The following PPP2R5E variants were observed in gnomAD, a reference collection of about 807,000 sequenced individuals.
PPP2R5E encodes serine/threonine-protein phosphatase 2A 56 kDa regulatory subunit epsilon isoform.
A neutral mutation model predicts 65.3 loss-of-function variants in PPP2R5E; 4 were observed. The observed-to-expected ratio is 0.06, with a 90% CI of 0.03 to 0.14. The LOEUF is 0.14. PPP2R5E is among the 10% of genes least tolerant of loss of function. PPP2R5E has a pLI of 1.00. For missense variants in PPP2R5E, 274 were observed against 556.1 expected (o/e 0.49, Z 5.10); for synonymous variants, 183 against 187.4 (o/e 0.98, Z 0.19).
At chr14:63,486,657 T>C (rs1031066313) in intron 2 of PPP2R5E, among the ~76,000 whole-genome samples, 10 of 152,186 alleles carry the variant, frequency 6.6e-5, no homozygotes, top group Non-Finnish European at 1.0e-4. Flanking sequence ...TTTCCTTTCC[T>C]ATCCTGTTCC....
chr14:63,386,534 A>C (rs7146445), intron 11 of PPP2R5E, among the ~76,000 whole-genome samples: 29,920 of 152,094 alleles, frequency 0.2, 4,411 homozygotes, highest in East Asian at 0.48. Context: ...GACAGATGCT[A>C]TATCAGATAT....
Position 63,530,225 on chromosome 14 carries a change from C to T in PPP2R5E, c.157+9304G>A, listed in dbSNP as rs976733004. 4.9e-4 allele frequency among the ~76,000 whole-genome samples: 62 copies of T among 127,778 alleles called. 1 individual carries two copies. The highest frequency in any genetic ancestry group is 1.9e-3 in the African/African-American group (58 of 30,096). 83.8% of individuals were successfully genotyped at this position (127,778 alleles called of 152,430 possible). A position where few individuals can be genotyped will look rare whatever the true frequency, so the allele number is the denominator to read the frequency against. ...CGAACCCTAAGTTAAGAAATTTTTC[C>T]GTTTTTTTTTTTTTTTTTTTTTTTG... is the stretch of plus-strand genomic sequence containing the variant. On this transcript the variant is annotated intron_variant, in intron 2 of 13. Transcript: ENST00000337537.
chr14:63,504,673 A>G (rs1441325686), intron 2 of PPP2R5E, among the ~76,000 whole-genome samples: 1 of 152,190 alleles, frequency 6.6e-6, no homozygotes, highest in African/African-American at 2.4e-5. Context: ...TACAAAAAAC[A>G]AGGCTTACAG....
intron 12 of PPP2R5E, among the ~76,000 whole-genome samples, 198 bp from the exon 13 acceptor site, chr14:63,382,355 G>A (rs1044838763): frequency 2.0e-5 from 3 of 151,548 alleles, no homozygotes; most frequent in Non-Finnish European, 4.4e-5. Context: ...ATAATTTTCT[G>A]AGGGGTGGTA....
At chr14:63,446,899 G>C (rs1291896697) in intron 3 of PPP2R5E, among the ~76,000 whole-genome samples, 2 of 151,892 alleles carry the variant, frequency 1.3e-5, no homozygotes, top group South Asian at 4.2e-4. Flanking sequence ...GAGCTCTTGG[G>C]TAACAAGGTG....
At chr14:63,431,956 A>G (rs1887697093) in intron 3 of PPP2R5E, among the ~76,000 whole-genome samples, 1 of 152,092 alleles carries the variant, frequency 6.6e-6, no homozygotes, top group Non-Finnish European at 1.5e-5. Flanking sequence ...CAACTATTCT[A>G]TTAAATATGA....
At chr14:63,525,637 C>G (rs1485189474) in intron 2 of PPP2R5E, among the ~76,000 whole-genome samples, 2 of 152,146 alleles carry the variant, frequency 1.3e-5, no homozygotes, top group East Asian at 3.8e-4. Context: ...TCAGTCTGCA[C>G]AGAGACACAA....
rs1354009943 is a variant in PPP2R5E at position 63,542,842 on chromosome 14, G to C, written c.-71C>G. 1 of 154,060 alleles carries C rather than the reference G, an allele frequency of 6.5e-6. No homozygotes were observed. Among genetic ancestry groups the C allele is most frequent in the Non-Finnish European group, 1.5e-5 (1 of 68,858 alleles). The allele number at this position is 154,060 out of a possible 1,614,324, so 9.5% of individuals were successfully genotyped here. A position where few individuals can be genotyped will look rare whatever the true frequency, so the allele number is the denominator to read the frequency against. On this transcript the variant is annotated 5_prime_UTR_variant, in exon 1 of 14. Transcript: ENST00000337537. ...GCTTGGAGGGGCGGGAGACGGGCGA[G>C]GTGGCCGCAGCGGGGGCGGGCGGCG...
Position 63,428,870 on chromosome 14 carries a change from A to T in PPP2R5E, c.355-6776T>A, listed in dbSNP as rs568465852. Among the ~76,000 whole-genome samples, 3 of 152,320 alleles carry T rather than the reference A, an allele frequency of 2.0e-5. No homozygotes were observed. In the South Asian group the frequency reaches 6.2e-4, roughly 32 times the overall value. On this transcript the variant is annotated intron_variant, in intron 3 of 13. Coordinates refer to ENST00000337537, the MANE Select transcript of PPP2R5E (RefSeq NM_006246.5). ...GAAAAAAAATCACCATTCCTAATCCATTTCCATAGAAATTACTAATTTTAC... is the reference window on the plus strand; with the variant it reads ...GAAAAAAAATCACCATTCCTAATCCTTTTCCATAGAAATTACTAATTTTAC...
rs181486041 is a variant in PPP2R5E at position 63,430,417 on chromosome 14, A to G, written c.355-8323T>C. Among the ~76,000 whole-genome samples the G allele has an allele frequency of 5.3e-3, 787 of 149,904 alleles. 9 individuals are homozygous for G. Among genetic ancestry groups the G allele is most frequent in the African/African-American group, 0.017 (669 of 39,384 alleles). ...TACATACATGCATACATACATACAT[A>G]CATGCATACATACATATTCAACTGT... On this transcript the variant is annotated intron_variant, in intron 3 of 13. Coordinates refer to ENST00000337537, the MANE Select transcript of PPP2R5E (RefSeq NM_006246.5).
chr14:63,439,342 G>C (rs560961562), intron 3 of PPP2R5E, among the ~76,000 whole-genome samples: 1 of 151,844 alleles, frequency 6.6e-6, no homozygotes, highest in South Asian at 2.1e-4. Context: ...TGGCCAGACT[G>C]GGTCCTGGTC....
chr14:63,482,532 C>T (rs543171926), intron 2 of PPP2R5E, among the ~76,000 whole-genome samples: 306 of 152,138 alleles, frequency 2.0e-3, no homozygotes, highest in Non-Finnish European at 3.5e-3. Context: ...AGATGGTATT[C>T]TGAAAACATG....
intron 2 of PPP2R5E, among the ~76,000 whole-genome samples, chr14:63,472,407 C>T (rs780950676): frequency 6.6e-6 from 1 of 152,202 alleles, no homozygotes; most frequent in East Asian, 1.9e-4. Context: ...CTAAAGCTGG[C>T]TTACTTCAAG....
intron 1 of PPP2R5E, among the ~76,000 whole-genome samples, chr14:63,541,622 C>T (rs1232951386): frequency 1.3e-5 from 2 of 152,150 alleles, no homozygotes; most frequent in Non-Finnish European, 2.9e-5. Context: ...CAATTACTCA[C>T]CTGTCATTCC....
chr14:63,535,641 A>G (rs766709670), intron 2 of PPP2R5E, among the ~76,000 whole-genome samples: 1 of 152,208 alleles, frequency 6.6e-6, no homozygotes, highest in Non-Finnish European at 1.5e-5. Flanking sequence ...GATGAGTTAC[A>G]TAATCACTGT....
intron 2 of PPP2R5E, among the ~76,000 whole-genome samples, chr14:63,530,043 G>A (rs1255419682): frequency 6.6e-6 from 1 of 152,026 alleles, no homozygotes; most frequent in Non-Finnish European, 1.5e-5. Context: ...GAGAGAGAAC[G>A]TGAATGGAAG....
At chr14:63,527,706 C>T (rs533476605) in intron 2 of PPP2R5E, among the ~76,000 whole-genome samples, 2 of 152,158 alleles carry the variant, frequency 1.3e-5, no homozygotes, top group South Asian at 2.1e-4. Context: ...GAGGCCAAGG[C>T]GGGCGAATCA....
At chr14:63,516,606 T>A (rs1006792512) in intron 2 of PPP2R5E, among the ~76,000 whole-genome samples, 1 of 152,234 alleles carries the variant, frequency 6.6e-6, no homozygotes, top group African/African-American at 2.4e-5. Context: ...TTCCTATCTG[T>A]CCACGTATCA....
rs1883711716 is a variant in PPP2R5E, at chr14:63,371,944, G to A, written c.*4065C>T. 1 of 152,052 alleles carries A rather than the reference G, an allele frequency of 6.6e-6. No homozygotes were observed. The highest frequency in any genetic ancestry group is 2.4e-5 in the African/African-American group (1 of 41,384). 9.4% of individuals were successfully genotyped at this position (152,052 alleles called of 1,614,324 possible). The stretch of plus-strand genomic sequence containing the variant: ...TCAATCAAAAATCAGACAACAACCA[G>A]AAAATGCATTGGTAATATTTATATT... On this transcript the variant is annotated 3_prime_UTR_variant, in exon 14 of 14. Transcript: ENST00000337537.
Sources: gnomAD v4.1 joint callset for allele counts (sites outside exome capture counted in the v4.1 genomes callset) on GRCh38, gnomAD v4.1.1 for gene constraint, MANE v1.5 for transcripts, NCBI Gene and HGNC (gene_info 2026-07-23, HGNC 2026-07-21) for gene names.